MKX: variants seen among roughly 807,000 people sequenced by gnomAD.
MKX encodes homeobox protein Mohawk.
Under a neutral mutation model 36.0 loss-of-function variants are expected in MKX, and 13 were observed. The ratio of observed to expected loss-of-function variants is 0.36; its 90% CI spans 0.24 to 0.57. MKX has a LOEUF of 0.57. MKX is among the 20% of genes least tolerant of loss of function. MKX has a pLI of 0.79. For synonymous variants in MKX, 176 were observed against 178.3 expected (o/e 0.99, Z 0.10); for missense variants, 458 against 456.4 (o/e 1.00, Z -0.03).
At chr10:27,743,552 G>T (rs1834970874) in intron 1 of MKX, 55 bp from the exon 2 acceptor site, 3 of 962,788 alleles carry the variant, frequency 3.1e-6, no homozygotes, top group Non-Finnish European at 4.3e-6. Flanking sequence ...TCAGACCCCT[G>T]CAGGTTCAGG....
At chr10:27,733,057 C>G (rs553482101) in intron 5 of MKX, among the ~76,000 whole-genome samples, 14 of 152,242 alleles carry the variant, frequency 9.2e-5, no homozygotes, top group Non-Finnish European at 1.9e-4. Context: ...GCTTCATTTT[C>G]ATTATTGGCC....
intron 5 of MKX, among the ~76,000 whole-genome samples, chr10:27,722,857 G>A (rs1415190524): frequency 6.6e-6 from 1 of 152,172 alleles, no homozygotes; most frequent in Non-Finnish European, 1.5e-5. Flanking sequence ...ACATAGCACA[G>A]ATGGGTCATA....
intron 5 of MKX, among the ~76,000 whole-genome samples, chr10:27,682,938 C>T (rs527475270): frequency 3.3e-5 from 5 of 151,248 alleles, no homozygotes; most frequent in Non-Finnish European, 5.9e-5. Flanking sequence ...GAGATCTCAT[C>T]GTGCCACTGC....
intron 5 of MKX, among the ~76,000 whole-genome samples, chr10:27,677,721 C>T (rs565043755): frequency 6.6e-6 from 1 of 152,246 alleles, no homozygotes; most frequent in African/African-American, 2.4e-5. Flanking sequence ...GAACAAATGG[C>T]AAGGTTGTTG....
chr10:27,736,210 G>A lies in MKX; in HGVS notation c.349-836C>T, dbSNP rs540248871. ...AAACCATTAGAGATGAAAAAAGTGGGATCTGTTCGCTTCCAAAAGAGGCGT... is the reference window on the plus strand; with the variant it reads ...AAACCATTAGAGATGAAAAAAGTGGAATCTGTTCGCTTCCAAAAGAGGCGT... On this transcript the variant is annotated intron_variant, in intron 3 of 6. Transcript: ENST00000419761. Among the ~76,000 whole-genome samples, 3 of 152,226 alleles carry A rather than the reference G, an allele frequency of 2.0e-5. No individual in the cohort carries two copies. The East Asian group carries it at 5.8e-4, about 29-fold the overall frequency.
intron 5 of MKX, among the ~76,000 whole-genome samples, chr10:27,716,188 C>T (rs1836960634): frequency 1.3e-5 from 2 of 152,212 alleles, no homozygotes; most frequent in East Asian, 1.9e-4. Context: ...AAGTGTAGCA[C>T]ATAGCACAAT....
chr10:27,743,721 G>C (rs1383072051), intron 1 of MKX, among the ~76,000 whole-genome samples: 2 of 152,070 alleles, frequency 1.3e-5, no homozygotes, highest in South Asian at 2.1e-4. Flanking sequence ...CTGGGCGATC[G>C]ATCCCCCCAA....
chr10:27,737,322 G>C (rs966944996), intron 3 of MKX, among the ~76,000 whole-genome samples: 6 of 152,070 alleles, frequency 3.9e-5, no homozygotes, highest in Admixed American at 3.3e-4. Flanking sequence ...ATCTTAGCAA[G>C]TATCATCAAA....
chr10:27,745,565 C>T (rs1244609136), intron 1 of MKX, 142 bp downstream of exon 1: 1 of 152,424 alleles, frequency 6.6e-6, no homozygotes, highest in African/African-American at 2.4e-5. Flanking sequence ...CAGCCTTGGC[C>T]GCTACCCGAG....
intron 5 of MKX, among the ~76,000 whole-genome samples, chr10:27,708,108 A>C (rs1836788482): frequency 6.6e-6 from 1 of 152,106 alleles, no homozygotes; most frequent in East Asian, 1.9e-4. Context: ...TAGTTGATTT[A>C]ATTTAAAAAA....
chr10:27,711,492 TC>T lies in MKX; in HGVS notation c.838+22963del, dbSNP rs1564356999. On this transcript the variant is annotated intron_variant, in intron 5 of 6. Transcript: ENST00000419761. ...CTTTCTTTCTTTCTTTCTCTCTCTC[TC>T]TCTTCTTTCCTTCCTTCCTTCCTTC... is the stretch of plus-strand genomic sequence containing the variant. Among the ~76,000 whole-genome samples the T allele has an allele frequency of 3.0e-3, 131 of 43,592 alleles. 2 individuals are homozygous for T. The highest frequency in any genetic ancestry group is 0.011 in the African/African-American group (125 of 11,092). 28.6% of individuals were successfully genotyped at this position (43,592 alleles called of 152,430 possible).
rs1417334291 is a variant in MKX, at chr10:27,672,936, T to C, written c.*2293A>G. The C allele has an allele frequency of 6.6e-6, 1 of 152,214 alleles. No individual in the cohort carries two copies. The allele number at this position is 152,214 out of a possible 1,614,324, so 9.4% of individuals were successfully genotyped here. A position where few individuals can be genotyped will look rare whatever the true frequency, so the allele number is the denominator to read the frequency against. ...AAGAACTCCTGGCAGTTATTAATTT[T>C]ATTAAAATGATTACATATGGCAAAA... On this transcript the variant is annotated 3_prime_UTR_variant, in exon 7 of 7. Transcript: ENST00000419761.
At chr10:27,692,247 C>T (rs1331164248) in intron 5 of MKX, among the ~76,000 whole-genome samples, 1 of 152,210 alleles carries the variant, frequency 6.6e-6, no homozygotes, top group East Asian at 1.9e-4. Context: ...GATATAATAC[C>T]TCTAAAAATT....
rs375807363 is a variant in MKX at position 27,740,670 on chromosome 10, A to G, written c.348+675T>C. Among the ~76,000 whole-genome samples the G allele has an allele frequency of 7.2e-5, 11 of 152,292 alleles. No homozygotes were observed. In the South Asian group the frequency reaches 8.3e-4, roughly 11 times the overall value. ...TCTCTACACTTGGCAAAGTAACCCA[A>G]CCATCTGAAATCTGCCTCCTCTCCT... On this transcript the variant is annotated intron_variant, in intron 3 of 6. Transcript: ENST00000419761.
At chr10:27,676,048 T>C (rs1462736271) in intron 5 of MKX, among the ~76,000 whole-genome samples, 2 of 152,190 alleles carry the variant, frequency 1.3e-5, no homozygotes, top group East Asian at 1.9e-4. Context: ...AGGCGGGGGA[T>C]TGCTTGAGCC....
intron 5 of MKX, among the ~76,000 whole-genome samples, chr10:27,731,995 T>C (rs1281629511): frequency 1.3e-5 from 2 of 152,146 alleles, no homozygotes; most frequent in Admixed American, 6.5e-5. Flanking sequence ...TTTGTCATTT[T>C]TTTTTATTTG....
chr10:27,725,686 GAA>G (rs1406710499), intron 5 of MKX, among the ~76,000 whole-genome samples: 1 of 150,898 alleles, frequency 6.6e-6, no homozygotes, highest in African/African-American at 2.4e-5. Flanking sequence ...AAAAAAAAAA[GAA>G]GGGAGAAAAG....
rs1348434251 is a variant in MKX, at chr10:27,698,629, A to G, written c.839-23075T>C. Among the ~76,000 whole-genome samples, 12 of 152,330 alleles carry G rather than the reference A, an allele frequency of 7.9e-5. No homozygotes were observed. In the South Asian group the frequency reaches 1.7e-3, roughly 21 times the overall value. ...AGAAGGCCAAGCTTCACTTTGAAGG[A>G]CGCAGGACATAAAGTGTTTGATTTG... is the stretch of plus-strand genomic sequence containing the variant. On this transcript the variant is annotated intron_variant, in intron 5 of 6. Coordinates refer to ENST00000419761, the MANE Select transcript of MKX (RefSeq NM_173576.3).
chr10:27,735,128 C>A (rs1161157219), intron 4 of MKX, 93 bp downstream of exon 4: 8 of 1,226,078 alleles, frequency 6.5e-6, no homozygotes, highest in Non-Finnish European at 8.8e-6. Context: ...AAGGCACCAT[C>A]ATATTTTGTG....
Sources: gnomAD v4.1 joint callset for allele counts (sites outside exome capture counted in the v4.1 genomes callset) on GRCh38, gnomAD v4.1.1 for gene constraint, MANE v1.5 for transcripts, NCBI Gene and HGNC (gene_info 2026-07-23, HGNC 2026-07-21) for gene names.